FSIP2: variants seen among roughly 807,000 people sequenced by gnomAD.
FSIP2 encodes fibrous sheath-interacting protein 2.
A neutral mutation model predicts 510.5 loss-of-function variants in FSIP2; 367 were observed. That is an observed-to-expected ratio of 0.72 (90% CI 0.66 to 0.78). FSIP2 has a LOEUF of 0.78. Among genes scored for constraint, FSIP2 ranks in the 30% least tolerant of loss-of-function variants. The probability of loss-of-function intolerance (pLI) is 0.00; values close to 1 mark genes in which losing one functional copy is unlikely to be tolerated. For missense variants in FSIP2, 7,594 were observed against 7,901.7 expected, an observed-to-expected ratio of 0.96 and a Z score of 1.48; for synonymous variants, 2,601 against 2,732.2, an observed-to-expected ratio of 0.95 and a Z score of 1.50.
At chr2:185,751,985 T>G (rs934996835) in intron 7 of FSIP2, among the ~76,000 whole-genome samples, 1 of 150,642 alleles carries the variant, frequency 6.6e-6, no homozygotes, top group African/African-American at 2.4e-5. Context: ...CTGATGTAAA[T>G]AAGTCATATA....
Position 185,792,925 on chromosome 2 carries a change from CT to C in FSIP2, c.5793del (p.Phe1931LeufsTer6). Reference protein sequence around the residue: ...IVQAILTNLETFATSKVKSLF... With the variant: ...IVQAILTNLEXFATSKVKSLF... Reference sequence around the variant, plus strand: ...CAGGCAATATTAACAAATTTAGAAACTTTTGCTACTTCCAAAGTAAAATCTC... The same window carrying C: ...CAGGCAATATTAACAAATTTAGAAACTTTGCTACTTCCAAAGTAAAATCTC... On this transcript the variant is annotated frameshift_variant, in exon 16 of 23. Coordinates refer to ENST00000424728, the MANE Select transcript of FSIP2 (RefSeq NM_173651.4). LOFTEE classifies it high-confidence loss of function. The C allele has an allele frequency of 1.3e-6, 2 of 1,533,954 alleles. No individual in the cohort carries two copies. Among genetic ancestry groups the C allele is most frequent in the Non-Finnish European group, 1.7e-6 (2 of 1,145,444 alleles).
In FSIP2 at chr2:185,791,124, G is replaced by A; in HGVS notation, c.3988G>A (p.Asp1330Asn). ...GATTGACCATACCAAATCCCTTACA[G>A]ATAAAGGATTTTTTGCTAATACTGA... ...REIDHTKSLTDKGFFANTDKK... is the reference protein window; with the variant it reads ...REIDHTKSLTNKGFFANTDKK... The change falls in exon 16 of 23, where the codon GAT becomes AAT. Residue 1330 changes from aspartate (D) to asparagine (N), a missense_variant. By Grantham distance (23) the Asp-to-Asn change is conservative. Transcript: ENST00000424728. The A allele has an allele frequency of 1.3e-6, 2 of 1,531,322 alleles. No homozygotes were observed. The highest frequency in any genetic ancestry group is 1.7e-6 in the Non-Finnish European group (2 of 1,143,540). 94.9% of individuals were successfully genotyped at this position (1,531,322 alleles called of 1,614,324 possible).
intron 17 of FSIP2, among the ~76,000 whole-genome samples, chr2:185,811,428 C>G (rs928257227): frequency 6.8e-6 from 1 of 147,324 alleles, no homozygotes; most frequent in African/African-American, 2.5e-5. Context: ...AAGATCATGC[C>G]ACTGCTCTCC....
intron 16 of FSIP2, among the ~76,000 whole-genome samples, chr2:185,798,359 C>T (rs1043169846): frequency 2.6e-5 from 4 of 151,844 alleles, no homozygotes; most frequent in South Asian, 2.1e-4. Context: ...AATACTCCAA[C>T]TGTATCATTA....
chr2:185,761,740 A>T (rs758106698), intron 10 of FSIP2, among the ~76,000 whole-genome samples: 8 of 151,232 alleles, frequency 5.3e-5, no homozygotes, highest in Non-Finnish European at 1.2e-4. Flanking sequence ...GAGAAGAAGT[A>T]AGTTTATACA....
chr2:185,756,076 C>CAT (rs1161469279), intron 8 of FSIP2, 116 bp from the exon 9 acceptor site: 1 of 387,718 alleles, frequency 2.6e-6, no homozygotes, highest in Non-Finnish European at 4.6e-6. Context: ...CGCAATCCCA[C>CAT]ATACAGATTA....
chr2:185,765,335 C>T (rs138038582), intron 13 of FSIP2: 53 of 152,190 alleles, frequency 3.5e-4, no homozygotes, highest in Middle Eastern at 6.8e-3. Context: ...CAGAAGAACA[C>T]TTAAGAGCTA....
rs116613905 is a variant in FSIP2 at position 185,751,849 on chromosome 2, T to C, written c.871-1873T>C. Among the ~76,000 whole-genome samples, 821 of 141,116 alleles carry C rather than the reference T, an allele frequency of 5.8e-3. 5 individuals carry two copies. Among genetic ancestry groups the C allele is most frequent in the African/African-American group, 0.019 (787 of 40,522 alleles). 92.6% of individuals were successfully genotyped at this position (141,116 alleles called of 152,430 possible). A position where few individuals can be genotyped will look rare whatever the true frequency, so the allele number is the denominator to read the frequency against. On this transcript the variant is annotated intron_variant, in intron 7 of 22. Transcript: ENST00000424728. ...CATATAGTATAAGAGCTTTACAGTA[T>C]TATGCTTTATTTTTTTCCCTTTGGC... is the stretch of plus-strand genomic sequence containing the variant.
chr2:185,804,653 C>T lies in FSIP2; in HGVS notation c.15347C>T (p.Ser5116Phe), dbSNP rs1693518499. The T allele has an allele frequency of 1.3e-6, 2 of 1,533,072 alleles. No individual in the cohort carries two copies. The highest frequency in any genetic ancestry group is 2.7e-5 in the African/African-American group (2 of 72,910). 95.0% of individuals were successfully genotyped at this position (1,533,072 alleles called of 1,614,324 possible). ...CCATATATTACTGTGTTGCCTCATT[C>T]TCTTTTAGAAGATATGGTTTACAGG... is the stretch of plus-strand genomic sequence containing the variant. ...LPPYITVLPH[S>F]LLEDMVYRLL... The change falls in exon 17 of 23, where the codon TCT becomes TTT. Residue 5116 changes from serine (S) to phenylalanine (F), a missense_variant. Transcript: ENST00000424728.
Position 185,811,165 on chromosome 2 carries a change from G to A in FSIP2, c.19827+2032G>A, listed in dbSNP as rs896935829. ...AATTTATATTTCAAAGAGAAGCAGA[G>A]CATAAAAGTTTGGAAAATTAGCTGA... is the stretch of plus-strand genomic sequence containing the variant. On this transcript the variant is annotated intron_variant, in intron 17 of 22. Coordinates refer to ENST00000424728, the MANE Select transcript of FSIP2 (RefSeq NM_173651.4). Among the ~76,000 whole-genome samples the A allele has an allele frequency of 2.6e-5, 4 of 152,026 alleles. 1 individual carries two copies. Among genetic ancestry groups the A allele is most frequent in the Non-Finnish European group, 5.9e-5 (4 of 67,982 alleles).
chr2:185,777,934 T>G (rs1692762925), intron 13 of FSIP2, among the ~76,000 whole-genome samples: 1 of 152,126 alleles, frequency 6.6e-6, no homozygotes, highest in African/African-American at 2.4e-5. Context: ...ATATATTCTT[T>G]GAATGTTCGG....
chr2:185,818,578 A>T (rs2105674617), intron 19 of FSIP2, among the ~76,000 whole-genome samples: 1 of 152,022 alleles, frequency 6.6e-6, no homozygotes, highest in East Asian at 1.9e-4. Context: ...AAGGAAAGTG[A>T]TTCATCATGT....
In FSIP2 at chr2:185,795,775, T is replaced by A; in HGVS notation, c.8639T>A (p.Leu2880His). ...SIKAKELEYSLSLLNLPPLEN... is the reference protein window; with the variant it reads ...SIKAKELEYSHSLLNLPPLEN... ...AAAGCAAAAGAATTAGAATATTCTC[T>A]TTCACTTTTAAATTTGCCCCCTCTT... The change falls in exon 16 of 23, where the codon CTT (leucine) becomes CAT (histidine). Residue 2880 changes from leucine to histidine, a missense_variant. Coordinates refer to ENST00000424728, the MANE Select transcript of FSIP2 (RefSeq NM_173651.4). 1 of 1,533,988 alleles carries A rather than the reference T, an allele frequency of 6.5e-7. No homozygotes were observed. The highest frequency in any genetic ancestry group is 8.7e-7 in the Non-Finnish European group (1 of 1,145,320).
Position 185,738,924 on chromosome 2 carries a change from G to A in FSIP2, c.30G>A (p.Lys10=). The change falls in exon 1 of 23, where the codon AAG becomes AAA. Residue 10 remains lysine (K), a synonymous_variant. Coordinates refer to ENST00000424728, the MANE Select transcript of FSIP2 (RefSeq NM_173651.4). MELYLGACS[K]PAKVAVTKTV... is the part of the protein sequence containing the mutation. The stretch of plus-strand genomic sequence containing the variant: ...AGCTGTACCTCGGCGCCTGCTCCAA[G>A]CCTGCCAAAGTCGCCGTCACCAAGA... 6.5e-7 allele frequency: 1 copy of A among 1,534,862 alleles called. No individual in the cohort carries two copies. The highest frequency in any genetic ancestry group is 8.7e-7 in the Non-Finnish European group (1 of 1,146,704).
rs772467517 is a variant in FSIP2, at chr2:185,796,256, G to A, written c.9120G>A (p.Leu3040=). 2.0e-6 allele frequency: 3 copies of A among 1,531,186 alleles called. No individual in the cohort carries two copies. Among genetic ancestry groups the A allele is most frequent in the South Asian group, 2.4e-5 (2 of 82,964 alleles). The allele number at this position is 1,531,186 out of a possible 1,614,324, so 94.8% of individuals were successfully genotyped here. ...AGAAACTGTTAAACAAAAAAATGTTGCCAAAATTACAACCACTGAAAATGT... is the reference window on the plus strand; with the variant it reads ...AGAAACTGTTAAACAAAAAAATGTTACCAAAATTACAACCACTGAAAATGT... ...IQQKLLNKKM[L]PKLQPLKMFS... The change falls in exon 16 of 23, where the codon TTG becomes TTA. Residue 3040 remains leucine (L), a synonymous_variant. Transcript: ENST00000424728.
rs1303038748 is a variant in FSIP2, at chr2:185,790,578, C to T, written c.3442C>T (p.Leu1148=). Residue 1148 remains leucine (L), a synonymous_variant, in exon 16 of 23, where the codon CTG becomes TTG. Coordinates refer to ENST00000424728, the MANE Select transcript of FSIP2 (RefSeq NM_173651.4). ...TCTTGTTTCAGAAAAGCCTCAAGGA[C>T]TGTCACATCAAGAATGGATAGACCA... is the stretch of plus-strand genomic sequence containing the variant. ...SVLVSEKPQG[L]SHQEWIDQMF... is the part of the protein sequence containing the mutation. 7 of 1,533,742 alleles carry T rather than the reference C, an allele frequency of 4.6e-6. No homozygotes were observed. Among genetic ancestry groups the T allele is most frequent in the Non-Finnish European group, 2.6e-6 (3 of 1,145,504 alleles).
upstream of FSIP2, chr2:185,738,692 C>T (rs1257086071): frequency 6.5e-7 from 1 of 1,536,048 alleles, no homozygotes. Flanking sequence ...GCTCTGCGGG[C>T]GCTCTACGCG....
chr2:185,779,115 CTTTATT>C, intron 13 of FSIP2, among the ~76,000 whole-genome samples: 1 of 152,030 alleles, frequency 6.6e-6, no homozygotes, highest in Non-Finnish European at 1.5e-5. Flanking sequence ...CTGGATTTTG[CTTTATT>C]TTTATTGTCT....
intron 13 of FSIP2, among the ~76,000 whole-genome samples, chr2:185,775,506 A>G (rs1053690883): frequency 6.6e-6 from 1 of 151,546 alleles, no homozygotes; most frequent in Non-Finnish European, 1.5e-5. Context: ...AGGTTGCGAA[A>G]ATTTTCTCCC....
Sources: gnomAD v4.1 joint callset for allele counts (sites outside exome capture counted in the v4.1 genomes callset) on GRCh38, gnomAD v4.1.1 for gene constraint, MANE v1.5 for transcripts, NCBI Gene and HGNC (gene_info 2026-07-23, HGNC 2026-07-21) for gene names.